Variants in ETFB observed in about 807,000 individuals in gnomAD.
ETFB encodes beta-ETF.
Under a neutral mutation model 25.6 loss-of-function variants are expected in ETFB, and 20 were observed. That is an observed-to-expected ratio of 0.78 (90% CI 0.55 to 1.14). The LOEUF (loss-of-function observed/expected upper bound fraction) is 1.14. Ranked by LOEUF, ETFB falls within the 50% of genes most tolerant of loss-of-function variation. The pLI, the probability that ETFB is intolerant of heterozygous loss-of-function variation, is 0.00. For missense variants in ETFB, 286 were observed against 342.6 expected (o/e 0.83, Z 1.30); for synonymous variants, 142 against 146.7 (o/e 0.97, Z 0.23).
rs908624750 is a variant in ETFB, at chr19:51,347,123, C to T, written c.439-65G>A. On this transcript the variant is annotated intron_variant, in intron 4 of 5. Coordinates refer to ENST00000309244, the MANE Select transcript of ETFB (RefSeq NM_001985.3). The stretch of plus-strand genomic sequence containing the variant: ...ATTCAGGTCCGACCCGAGCAGTCTG[C>T]TTATGCCACTACTGAGTACACGCAT... 1.4e-5 allele frequency: 22 copies of T among 1,519,052 alleles called. No homozygotes were observed. The African/African-American group carries it at 2.6e-4, about 18-fold the overall frequency. The allele number at this position is 1,519,052 out of a possible 1,614,324, so 94.1% of individuals were successfully genotyped here.
chr19:51,364,032 G>C (rs772135918), intron 1 of ETFB, among the ~76,000 whole-genome samples: 6 of 152,186 alleles, frequency 3.9e-5, no homozygotes, highest in Non-Finnish European at 8.8e-5. Context: ...AGGGTGCTGG[G>C]GAGCCACAGG....
At chr19:51,350,571 GC>G (rs1348796831) in intron 3 of ETFB, among the ~76,000 whole-genome samples, 180 bp from the exon 4 acceptor site, 10 of 152,118 alleles carry the variant, frequency 6.6e-5, no homozygotes, top group African/African-American at 2.4e-4. Flanking sequence ...TGCAACCTCC[GC>G]CTCTTGGGTT....
At chr19:51,345,556 T>A (rs1320712179) in intron 5 of ETFB, 175 bp from the exon 6 acceptor site, 6 of 680,056 alleles carry the variant, frequency 8.8e-6, no homozygotes, top group Non-Finnish European at 1.6e-5. Flanking sequence ...TGTGGACAAC[T>A]CCTGCTGGCT....
chr19:51,363,917 G>A (rs1231859878), intron 1 of ETFB, among the ~76,000 whole-genome samples: 1 of 152,162 alleles, frequency 6.6e-6, no homozygotes, highest in East Asian at 1.9e-4. Context: ...CAAAGGGTAA[G>A]GGAGGGTCCA....
At chr19:51,357,780 C>T (rs995409778) in intron 1 of ETFB, among the ~76,000 whole-genome samples, 18 of 152,126 alleles carry the variant, frequency 1.2e-4, no homozygotes, top group Non-Finnish European at 2.6e-4. Flanking sequence ...CGTGAGCCAC[C>T]GCTCCTGGCC....
chr19:51,354,728 A>G, intron 1 of ETFB: 2 of 1,494,422 alleles, frequency 1.3e-6, no homozygotes, highest in Non-Finnish European at 1.8e-6. Flanking sequence ...AGTTAGGTAG[A>G]CAGTTAAGGG....
Position 51,350,331 on chromosome 19 carries a change from G to A in ETFB, c.436C>T (p.Gln146Ter). The A allele has an allele frequency of 6.2e-7, 1 of 1,610,638 alleles. No individual in the cohort carries two copies. The highest frequency in any genetic ancestry group is 8.5e-7 in the Non-Finnish European group (1 of 1,178,658). Reference sequence around the variant, plus strand: ...GGTGCTCCCCACTCCAGTCTCACCTGTGGCCAGTCAAGAAATCCAGCTGTC... The same window carrying A: ...GGTGCTCCCCACTCCAGTCTCACCTATGGCCAGTCAAGAAATCCAGCTGTC... ...QMTAGFLDWPQGTFASQVTLE... is the reference protein window; with the variant it reads ...QMTAGFLDWP The change falls in exon 4 of 6, where the codon CAG (glutamine) becomes TAG (stop). Residue 146 changes from glutamine to a stop codon, truncating the protein, a stop_gained and splice_region_variant. Transcript: ENST00000309244. LOFTEE classifies it high-confidence loss of function.
chr19:51,356,053 T>G (rs1986071842), intron 1 of ETFB: 1 of 151,772 alleles, frequency 6.6e-6, no homozygotes, highest in Non-Finnish European at 1.5e-5. Context: ...GTAACAAACC[T>G]GTACGTTGTG....
chr19:51,345,732 T>A (rs1295876681), intron 5 of ETFB: 4 of 388,646 alleles, frequency 1.0e-5, no homozygotes, highest in South Asian at 6.3e-5. Flanking sequence ...TAGGCTGAGA[T>A]GATGCACTGA....
In ETFB at chr19:51,353,186, G is replaced by T; in HGVS notation, c.321C>A (p.Val107=). 1 of 1,614,104 alleles carries T rather than the reference G, an allele frequency of 6.2e-7. No individual in the cohort carries two copies. The highest frequency in any genetic ancestry group is 8.5e-7 in the Non-Finnish European group (1 of 1,180,010). The change falls in exon 3 of 6, where the codon GTC becomes GTA. Residue 107 remains valine, a synonymous_variant. Coordinates refer to ENST00000309244, the MANE Select transcript of ETFB (RefSeq NM_001985.3). The part of the protein sequence containing the change: ...ERLGPLQVAR[V]LAKLAEKEKV... ...TCTCCTTCTCTGCCAGCTTGGCCAG[G>T]ACCCGAGCCACCTGCAGGGGACCCA...
chr19:51,350,278 T>C, intron 4 of ETFB, 51 bp downstream of exon 4: 3 of 1,581,102 alleles, frequency 1.9e-6, no homozygotes, highest in South Asian at 1.1e-5. Context: ...GAAATGAAGT[T>C]TGAGGGATGA....
chr19:51,366,121 G>T, intron 1 of ETFB, 149 bp downstream of exon 1: 2 of 762,146 alleles, frequency 2.6e-6, no homozygotes, highest in Non-Finnish European at 4.7e-6. Context: ...CTTCACTCTT[G>T]GATTTTTGCC....
At position 51,357,487 on chromosome 19, in the gene ETFB, TTTC is replaced by T. The variant is rs1472569547; in HGVS notation, c.58-3182_58-3180del. ...CCCACCACAATCCTTTTTTTCTTTCTTTCTTTTTTTTTTTTTTTTTGAGATGGA... is the reference window on the plus strand; with the variant it reads ...CCCACCACAATCCTTTTTTTCTTTCTTTTTTTTTTTTTTTTTTGAGATGGA... On this transcript the variant is annotated intron_variant, in intron 1 of 5. Transcript: ENST00000309244. Among the ~76,000 whole-genome samples, 237 of 27,784 alleles carry T rather than the reference TTTC, an allele frequency of 8.5e-3. 4 individuals are homozygous for T. The highest frequency in any genetic ancestry group is 0.051 in the African/African-American group (228 of 4,504). 18.2% of individuals were successfully genotyped at this position (27,784 alleles called of 152,430 possible).
In ETFB at chr19:51,354,620, C is replaced by CCCACAG. The variant is rs61361626; in HGVS notation, c.58-318_58-313dup. 0.019 allele frequency: 30,311 copies of CCCACAG among 1,613,678 alleles called. 2,559 individuals are homozygous for CCCACAG. In the African/African-American group the frequency reaches 0.25, roughly 13 times the overall value. On this transcript the variant is annotated intron_variant, in intron 1 of 5. Coordinates refer to ENST00000309244, the MANE Select transcript of ETFB (RefSeq NM_001985.3). ...CTCAAATTTACAGTATTTATGGTAA[C>CCCACAG]CCACAGTGAGAGGTACATTTTACTG... is the stretch of plus-strand genomic sequence containing the variant.
intron 1 of ETFB, among the ~76,000 whole-genome samples, chr19:51,357,349 C>T (rs1599844816): frequency 6.9e-6 from 1 of 144,394 alleles, no homozygotes; most frequent in East Asian, 2.0e-4. Context: ...GCTGGGATTA[C>T]AGGCATAAGC....
intron 4 of ETFB, chr19:51,347,774 G>C (rs185401137): frequency 5.6e-4 from 86 of 152,300 alleles, no homozygotes; most frequent in African/African-American, 2.0e-3. Flanking sequence ...CCTCCTCCTA[G>C]TGCCCTTATG....
intron 2 of ETFB, among the ~76,000 whole-genome samples, chr19:51,353,626 C>T (rs1854859279): frequency 2.0e-5 from 1 of 50,526 alleles, no homozygotes; most frequent in Admixed American, 1.5e-4. Flanking sequence ...CCCCTCCTTC[C>T]TCAGACCCAG....
Position 51,354,637 on chromosome 19 carries a change from A to C in ETFB, c.58-329T>G, listed in dbSNP as rs763415670. On this transcript the variant is annotated intron_variant, in intron 1 of 5. Transcript: ENST00000309244. Reference sequence around the variant, plus strand: ...TATGGTAACCCACAGTGAGAGGTACATTTTACTGTATCTCCAAGTGTATAT... The same window carrying C: ...TATGGTAACCCACAGTGAGAGGTACCTTTTACTGTATCTCCAAGTGTATAT... 3.7e-6 allele frequency: 6 copies of C among 1,613,268 alleles called. No homozygotes were observed. In the South Asian group the frequency reaches 4.4e-5, roughly 12 times the overall value.
intron 1 of ETFB, among the ~76,000 whole-genome samples, chr19:51,360,099 C>A (rs1986184754): frequency 6.6e-6 from 1 of 151,570 alleles, no homozygotes; most frequent in Non-Finnish European, 1.5e-5. Context: ...ACATATCCAC[C>A]AATATCAAAA....
Sources: gnomAD v4.1 joint callset for allele counts (sites outside exome capture counted in the v4.1 genomes callset) on GRCh38, gnomAD v4.1.1 for gene constraint, MANE v1.5 for transcripts, NCBI Gene and HGNC (gene_info 2026-07-23, HGNC 2026-07-21) for gene names.